Variants in DNHD1 observed in about 807,000 individuals in gnomAD.
DNHD1 encodes the protein dynein heavy chain domain 1.
A neutral mutation model predicts 458.1 loss-of-function variants in DNHD1; 383 were observed. The observed-to-expected ratio is 0.84, with a 90% CI of 0.77 to 0.91. DNHD1 has a LOEUF of 0.91. Ranked by LOEUF, DNHD1 falls within the 40% of genes least tolerant of loss-of-function variation. The pLI is 0.00. For missense variants in DNHD1, 5,336 were observed against 5,866.1 expected (o/e 0.91, Z 2.95); for synonymous variants, 2,203 against 2,376.9 (o/e 0.93, Z 2.13).
Position 6,557,212 on chromosome 11 carries a change from C to G in DNHD1, c.7917C>G (p.Ala2639=). 6.4e-7 allele frequency: 1 copy of G among 1,551,684 alleles called. No individual in the cohort carries two copies. Among genetic ancestry groups the G allele is most frequent in the Non-Finnish European group, 8.7e-7 (1 of 1,147,012 alleles). The stretch of plus-strand genomic sequence containing the variant: ...GCACTTGTCTGACCGTTATGATGGC[C>G]ACACGCAATGTGGTGCGTCTTTGGT... The part of the protein sequence containing the change: ...LRGTCLTVMM[A]TRNVVRLWLH... Residue 2639 remains alanine (A), a synonymous_variant, in exon 25 of 43, where the codon GCC becomes GCG. Transcript: ENST00000254579.
chr11:6,559,155 T>C, intron 27 of DNHD1, 26 bp from the exon 28 acceptor site: 2 of 1,551,696 alleles, frequency 1.3e-6, no homozygotes, highest in East Asian at 4.9e-5. Flanking sequence ...CCTTTGGGTT[T>C]CCTCACCAGC....
chr11:6,549,724 T>A (rs1853296416), intron 24 of DNHD1, among the ~76,000 whole-genome samples: 1 of 152,246 alleles, frequency 6.6e-6, no homozygotes, highest in Non-Finnish European at 1.5e-5. Flanking sequence ...TGCCTATCTG[T>A]CCCTTTCACC....
chr11:6,537,351 CTCAT>C (rs1044277561), intron 14 of DNHD1, among the ~76,000 whole-genome samples: 5 of 152,020 alleles, frequency 3.3e-5, no homozygotes, highest in South Asian at 2.1e-4. Flanking sequence ...AGTTCATTCG[CTCAT>C]TCATTCATTC....
rs759127843 is a variant in DNHD1 at position 6,567,135 on chromosome 11, A to G, written c.11626A>G (p.Met3876Val). ...QLQNLLPLFC[M>V]SPENWLAVTK... is the part of the protein sequence containing the mutation. Reference sequence around the variant, plus strand: ...GCAGAACCTGCTGCCACTTTTCTGTATGAGCCCAGAGAACTGGCTGGCAGT... The same window carrying G: ...GCAGAACCTGCTGCCACTTTTCTGTGTGAGCCCAGAGAACTGGCTGGCAGT... Residue 3876 changes from methionine (M) to valine (V), a missense_variant, in exon 36 of 43, where the codon ATG (methionine) becomes GTG (valine). By Grantham distance (21) the Met-to-Val change is conservative (BLOSUM62 1). Transcript: ENST00000254579. The G allele has an allele frequency of 6.2e-7, 1 of 1,614,058 alleles. No homozygotes were observed. The highest frequency in any genetic ancestry group is 1.1e-5 in the South Asian group (1 of 91,080).
chr11:6,570,763 G>A lies in DNHD1; in HGVS notation c.13251G>A (p.Leu4417=). Residue 4417 remains leucine, a synonymous_variant, in exon 42 of 43, where the codon CTG becomes CTA. Transcript: ENST00000254579. ...RRQSRALLSA[L]QRSSPVWVPE... ...AGAGTCGCGCTCTCTTGAGTGCGCT[G>A]CAGCGGAGTTCACCCGTGTGGGTTC... The A allele has an allele frequency of 1.2e-6, 2 of 1,612,708 alleles. No homozygotes were observed. The highest frequency in any genetic ancestry group is 1.7e-6 in the Non-Finnish European group (2 of 1,179,346).
intron 41 of DNHD1, 83 bp from the exon 42 acceptor site, chr11:6,570,535 A>C (rs1853820626): frequency 6.7e-7 from 1 of 1,484,522 alleles, no homozygotes; most frequent in Admixed American, 2.3e-5. Flanking sequence ...GATGGCAGTA[A>C]AGGCTCAGAG....
intron 39 of DNHD1, 52 bp from the exon 40 acceptor site, chr11:6,569,957 C>A: frequency 6.6e-7 from 1 of 1,516,332 alleles, no homozygotes; most frequent in South Asian, 1.1e-5. Flanking sequence ...ACTTGACAGT[C>A]CTCAGCATAT....
chr11:6,570,768 G>A lies in DNHD1; in HGVS notation c.13256G>A (p.Arg4419Gln), dbSNP rs1481377353. The stretch of plus-strand genomic sequence containing the variant: ...CGCGCTCTCTTGAGTGCGCTGCAGC[G>A]GAGTTCACCCGTGTGGGTTCCTGAG... The part of the protein sequence containing the change: ...QSRALLSALQ[R>Q]SSPVWVPESR... The change falls in exon 42 of 43, where the codon CGG becomes CAG. Residue 4419 changes from arginine (R) to glutamine (Q), a missense_variant. Arg to Gln is a conservative substitution (Grantham distance 43, BLOSUM62 1). Coordinates refer to ENST00000254579, the MANE Select transcript of DNHD1 (RefSeq NM_144666.3). The A allele has an allele frequency of 1.2e-5, 20 of 1,612,808 alleles. No homozygotes were observed. The highest frequency in any genetic ancestry group is 1.7e-5 in the Non-Finnish European group (20 of 1,179,440).
At chr11:6,544,312 G>C in intron 19 of DNHD1, 66 bp downstream of exon 19, 1 of 1,533,736 alleles carries the variant, frequency 6.5e-7, no homozygotes, top group Non-Finnish European at 8.8e-7. Context: ...GAGGGATGGG[G>C]GTGAGAGGTG....
Position 6,556,685 on chromosome 11 carries a change from C to T in DNHD1, c.7390C>T (p.Pro2464Ser). 2.6e-6 allele frequency: 4 copies of T among 1,541,056 alleles called. No individual in the cohort carries two copies. The highest frequency in any genetic ancestry group is 2.6e-6 in the Non-Finnish European group (3 of 1,138,944). Reference sequence around the variant, plus strand: ...TTATTATTCCTCATGTCCCATAGACCCAGAGAAGAGCTGCCAGCCAGTGTT... The same window carrying T: ...TTATTATTCCTCATGTCCCATAGACTCAGAGAAGAGCTGCCAGCCAGTGTT... ...LEDLHLATSD[P>S]EKSCQPVLET... The change falls in exon 25 of 43, where the codon CCA becomes TCA. Residue 2464 changes from proline to serine, a missense_variant and splice_region_variant. Pro to Ser is a moderately conservative substitution (Grantham distance 74). Coordinates refer to ENST00000254579, the MANE Select transcript of DNHD1 (RefSeq NM_144666.3).
chr11:6,556,043 C>T (rs1003199398), intron 24 of DNHD1, among the ~76,000 whole-genome samples: 6 of 152,022 alleles, frequency 3.9e-5, no homozygotes, highest in Admixed American at 1.3e-4. Flanking sequence ...CTGGATGGTG[C>T]GATCAGGGCT....
intron 28 of DNHD1, among the ~76,000 whole-genome samples, chr11:6,561,224 C>T (rs1853581098): frequency 6.6e-6 from 1 of 152,130 alleles, no homozygotes. Flanking sequence ...TCACTTGAGC[C>T]CAGGAGTTCA....
rs955685950 is a variant in DNHD1 at position 6,567,663 on chromosome 11, C to T, written c.12154C>T (p.Leu4052=). The T allele has an allele frequency of 5.0e-6, 8 of 1,613,818 alleles. No homozygotes were observed. Among genetic ancestry groups the T allele is most frequent in the Non-Finnish European group, 5.9e-6 (7 of 1,179,912 alleles). The change falls in exon 36 of 43, where the codon CTG becomes TTG. Residue 4052 remains leucine, a synonymous_variant. Coordinates refer to ENST00000254579, the MANE Select transcript of DNHD1 (RefSeq NM_144666.3). ...ILWRVLRPEC[L]AGALADFTTS... ...GTGGCGCGTTCTGCGACCTGAGTGC[C>T]TGGCAGGTGCCCTGGCAGACTTCAC...
chr11:6,548,393 T>C lies in DNHD1; in HGVS notation c.7089T>C (p.Pro2363=), dbSNP rs1159342941. Residue 2363 remains proline (P), a synonymous_variant, in exon 23 of 43, where the codon CCT becomes CCC. Coordinates refer to ENST00000254579, the MANE Select transcript of DNHD1 (RefSeq NM_144666.3). This position sits in a 1 kb window ranked among gnomAD's most constrained non-coding sequence, Gnocchi z 4.4. The part of the protein sequence containing the change: ...HIKGTLGTFH[P]SIQTERLLYV... ...AAGGAACTTTGGGCACCTTTCACCC[T>C]TCTATCCAGGTGTGAGGACAGTAAG... 6.4e-7 allele frequency: 1 copy of C among 1,551,716 alleles called. No homozygotes were observed. Among genetic ancestry groups the C allele is most frequent in the East Asian group, 2.4e-5 (1 of 40,922 alleles).
Position 6,533,889 on chromosome 11 carries a change from C to T in DNHD1, c.2714C>T (p.Ala905Val), listed in dbSNP as rs1450585641. ...QPHLLHCPLL[A>V]PQLLDMWEAF... is the part of the protein sequence containing the mutation. Reference sequence around the variant, plus strand: ...CATCTACTCCACTGCCCTCTGCTTGCCCCACAGCTTCTGGATATGTGGGAG... The same window carrying T: ...CATCTACTCCACTGCCCTCTGCTTGTCCCACAGCTTCTGGATATGTGGGAG... The change falls in exon 14 of 43, where the codon GCC becomes GTC. Residue 905 changes from alanine (A) to valine (V), a missense_variant. Around this residue, in one of 4 missense-constraint regions of DNHD1, gnomAD observed 3,932 missense variants for 4,365.6 expected, o/e 0.90. Coordinates refer to ENST00000254579, the MANE Select transcript of DNHD1 (RefSeq NM_144666.3). 3 of 1,551,250 alleles carry T rather than the reference C, an allele frequency of 1.9e-6. No homozygotes were observed. Among genetic ancestry groups the T allele is most frequent in the Non-Finnish European group, 2.6e-6 (3 of 1,146,910 alleles).
intron 33 of DNHD1, 71 bp from the exon 34 acceptor site, chr11:6,566,170 C>A: frequency 1.3e-6 from 2 of 1,527,576 alleles, no homozygotes; most frequent in South Asian, 1.2e-5. Context: ...CAGAGCCAGA[C>A]CTCGTGCCTG....
rs921225241 is a variant in DNHD1 at position 6,558,977 on chromosome 11, C to T, written c.9287C>T (p.Ala3096Val). 1.9e-6 allele frequency: 3 copies of T among 1,551,598 alleles called. No individual in the cohort carries two copies. In the African/African-American group the frequency reaches 4.1e-5, roughly 21 times the overall value. ...AKAMALIHLS[A>V]THYHEHLCPA... ...GCCATGGCTCTTATCCACCTTTCGG[C>T]CACCCACTACCATGAGCACCTGTGC... The change falls in exon 27 of 43, where the codon GCC becomes GTC. Residue 3096 changes from alanine to valine, a missense_variant. Transcript: ENST00000254579.
chr11:6,568,827 A>C lies in DNHD1; in HGVS notation c.12824A>C (p.Gln4275Pro). The C allele has an allele frequency of 6.2e-7, 1 of 1,612,852 alleles. No homozygotes were observed. Among genetic ancestry groups the C allele is most frequent in the Non-Finnish European group, 8.5e-7 (1 of 1,179,496 alleles). ...LLLHGLLLHR[Q>P]LYGTRLQAHR... is the part of the protein sequence containing the mutation. ...CTCCATGGCCTCCTGCTACACCGGC[A>C]GCTCTATGGAACAAGGCTGCAGGCA... The change falls in exon 39 of 43, where the codon CAG becomes CCG. Residue 4275 changes from glutamine to proline, a missense_variant. Gln to Pro is a moderately conservative substitution (Grantham distance 76). Transcript: ENST00000254579.
chr11:6,565,880 C>T lies in DNHD1; in HGVS notation c.10942C>T (p.Gln3648Ter). 1 of 1,551,622 alleles carries T rather than the reference C, an allele frequency of 6.4e-7. No individual in the cohort carries two copies. The highest frequency in any genetic ancestry group is 8.7e-7 in the Non-Finnish European group (1 of 1,146,972). The change falls in exon 33 of 43, where the codon CAG becomes TAG. Residue 3648 changes from glutamine to a stop codon, truncating the protein, a stop_gained. Transcript: ENST00000254579. LOFTEE classifies it high-confidence loss of function. ...GAAAGAGGAGGAGAAGACAGAGAGCCAGGGGTCAAAGCCAGCCTATGAGAC... is the reference window on the plus strand; with the variant it reads ...GAAAGAGGAGGAGAAGACAGAGAGCTAGGGGTCAAAGCCAGCCTATGAGAC... ...EEKEEEKTES[Q>*]GSKPAYETQL... is the part of the protein sequence containing the mutation.
Sources: gnomAD v4.1 joint callset for allele counts (sites outside exome capture counted in the v4.1 genomes callset) on GRCh38, gnomAD v4.1.1 for gene constraint, gnomAD v4.1.1 regional missense constraint, Gnocchi (gnomAD v3.1) non-coding constraint, MANE v1.5 for transcripts, NCBI Gene and HGNC (gene_info 2026-07-23, HGNC 2026-07-21) for gene names.